The following MAP3K3 variants were observed in gnomAD, a reference collection of about 807,000 sequenced individuals.
MAP3K3 encodes the protein MAP/ERK kinase kinase 3.
A neutral mutation model predicts 80.9 loss-of-function variants in MAP3K3; 12 were observed. The ratio of observed to expected loss-of-function variants is 0.15; its 90% CI spans 0.10 to 0.24. The LOEUF is 0.24. Among genes scored for constraint, MAP3K3 ranks in the 10% least tolerant of loss-of-function variants. The probability of loss-of-function intolerance (pLI) is 1.00; values close to 1 mark genes in which losing one functional copy is unlikely to be tolerated. For synonymous variants in MAP3K3, 272 were observed against 307.1 expected (o/e 0.89, Z 1.19); for missense variants, 596 against 834.7 (o/e 0.71, Z 3.52).
chr17:63,685,252 C>T (rs969002141), intron 7 of MAP3K3, among the ~76,000 whole-genome samples: 15 of 152,234 alleles, frequency 9.9e-5, no homozygotes, highest in African/African-American at 3.6e-4. Context: ...AACATGCCAA[C>T]AAGAAAAGCA....
At position 63,667,346 on chromosome 17, in the gene MAP3K3, C is replaced by A. The variant is rs115609820; in HGVS notation, c.502+286C>A. Among the ~76,000 whole-genome samples the A allele has an allele frequency of 8.4e-3, 1,279 of 152,282 alleles. 21 individuals carry two copies. The highest frequency in any genetic ancestry group is 0.029 in the African/African-American group (1,204 of 41,552). On this transcript the variant is annotated intron_variant, in intron 6 of 15. Coordinates refer to ENST00000361733, the MANE Select transcript of MAP3K3 (RefSeq NM_002401.5). ...GCCTCAGACATCTGCTTGAAGACTT[C>A]CAGCTGTGTTTACACTCACTTTTGA...
chr17:63,634,677 A>G (rs375125085), intron 2 of MAP3K3: 93 of 1,572,040 alleles, frequency 5.9e-5, no homozygotes, highest in Non-Finnish European at 6.1e-5. Context: ...GAAGGATACA[A>G]ATTATTAACC....
intron 6 of MAP3K3, among the ~76,000 whole-genome samples, chr17:63,667,264 AT>A (rs895701654): frequency 6.6e-6 from 1 of 152,238 alleles, no homozygotes; most frequent in African/African-American, 2.4e-5. Flanking sequence ...GGAACTTAAA[AT>A]ATAATGATAT....
intron 2 of MAP3K3, among the ~76,000 whole-genome samples, chr17:63,642,845 C>A (rs2034470233): frequency 6.6e-6 from 1 of 151,816 alleles, no homozygotes; most frequent in East Asian, 1.9e-4. Context: ...CAACCTCAAG[C>A]CCCCCGGGCT....
chr17:63,654,056 G>A (rs1790745734), intron 4 of MAP3K3, among the ~76,000 whole-genome samples: 1 of 151,882 alleles, frequency 6.6e-6, no homozygotes, highest in Non-Finnish European at 1.5e-5. Context: ...TTTTATGGAG[G>A]CAGGGTTTCA....
intron 2 of MAP3K3, among the ~76,000 whole-genome samples, chr17:63,643,495 G>A (rs1215706920): frequency 2.0e-5 from 3 of 151,978 alleles, no homozygotes; most frequent in Non-Finnish European, 4.4e-5. Flanking sequence ...TGGGTGGCAG[G>A]AGTAAGACCC....
intron 4 of MAP3K3, among the ~76,000 whole-genome samples, chr17:63,654,861 C>T (rs962165070): frequency 2.6e-5 from 4 of 152,134 alleles, no homozygotes; most frequent in African/African-American, 9.6e-5. Context: ...CATGGTGAAA[C>T]GCCGTCTCTG....
chr17:63,652,499 T>C, intron 3 of MAP3K3, 58 bp from the exon 4 acceptor site: 1 of 1,147,926 alleles, frequency 8.7e-7, no homozygotes, highest in Non-Finnish European at 1.3e-6. Context: ...ACCATTGCTT[T>C]TTAAACCCTA....
In MAP3K3 at chr17:63,691,058, A is replaced by G; in HGVS notation, c.1213-44A>G. On this transcript the variant is annotated intron_variant, in intron 12 of 15. Coordinates refer to ENST00000361733, the MANE Select transcript of MAP3K3 (RefSeq NM_002401.5). The surrounding 1 kb of genome is among the most constrained non-coding windows in gnomAD (Gnocchi z 4.8). ...GCTGAGCTGAACCCAGGCGGGCAGA[A>G]CTAGGGCCCTGAGAGCTGAGGCGAC... is the stretch of plus-strand genomic sequence containing the variant. 6.2e-7 allele frequency: 1 copy of G among 1,611,150 alleles called. No homozygotes were observed. The highest frequency in any genetic ancestry group is 8.5e-7 in the Non-Finnish European group (1 of 1,178,678).
chr17:63,639,056 C>T (rs1490118985), intron 2 of MAP3K3, among the ~76,000 whole-genome samples: 1 of 152,020 alleles, frequency 6.6e-6, no homozygotes, highest in African/African-American at 2.4e-5. Context: ...TGTCATATTC[C>T]CTGTACCCCA....
chr17:63,639,103 T>C (rs2034391988), intron 2 of MAP3K3, among the ~76,000 whole-genome samples: 1 of 151,972 alleles, frequency 6.6e-6, no homozygotes, highest in African/African-American at 2.4e-5. Flanking sequence ...GAGGACTACA[T>C]GAAAAAAAGA....
chr17:63,659,466 C>T (rs1438064115), intron 5 of MAP3K3, among the ~76,000 whole-genome samples: 1 of 151,312 alleles, frequency 6.6e-6, no homozygotes, highest in Non-Finnish European at 1.5e-5. Context: ...AACAGTGTTC[C>T]TCTAACTATA....
chr17:63,673,914 TA>T (rs2035162407), intron 6 of MAP3K3, among the ~76,000 whole-genome samples: 1 of 151,752 alleles, frequency 6.6e-6, no homozygotes, highest in Non-Finnish European at 1.5e-5. Context: ...CTCAAAAAAA[TA>T]AAAAATAAAT....
intron 1 of MAP3K3, among the ~76,000 whole-genome samples, chr17:63,631,445 C>A (rs148246105): frequency 1.3e-5 from 2 of 152,284 alleles, no homozygotes; most frequent in African/African-American, 4.8e-5. Flanking sequence ...TGGGTGGAAT[C>A]TTTTGTATTT....
At chr17:63,631,186 C>T (rs1442169800) in intron 1 of MAP3K3, among the ~76,000 whole-genome samples, 4 of 152,126 alleles carry the variant, frequency 2.6e-5, no homozygotes, top group African/African-American at 9.7e-5. Context: ...ACTCTGGAGG[C>T]TGAGGTGGAG....
At chr17:63,656,706 A>C (rs1237039877) in intron 4 of MAP3K3, among the ~76,000 whole-genome samples, 1 of 152,154 alleles carries the variant, frequency 6.6e-6, no homozygotes, top group East Asian at 1.9e-4. Context: ...TATTCATAAC[A>C]TGCTCTGCTT....
chr17:63,684,979 A>G (rs576245586), intron 7 of MAP3K3, among the ~76,000 whole-genome samples: 1 of 152,196 alleles, frequency 6.6e-6, no homozygotes, highest in Non-Finnish European at 1.5e-5. Flanking sequence ...ATATTTAGAT[A>G]TCTATTACCT....
rs768202063 is a variant in MAP3K3 at position 63,694,969 on chromosome 17, G to A, written c.*1192G>A. 5 of 152,974 alleles carry A rather than the reference G, an allele frequency of 3.3e-5. No individual in the cohort carries two copies. The highest frequency in any genetic ancestry group is 7.3e-5 in the Non-Finnish European group (5 of 68,358). 9.5% of individuals were successfully genotyped at this position (152,974 alleles called of 1,614,324 possible). Reference sequence around the variant, plus strand: ...CAGCATCTCCAAGCAGCTTAGAGTTGGCCATATTTACCTCAGCCTGGGCGC... The same window carrying A: ...CAGCATCTCCAAGCAGCTTAGAGTTAGCCATATTTACCTCAGCCTGGGCGC... On this transcript the variant is annotated 3_prime_UTR_variant, in exon 16 of 16. Transcript: ENST00000361733.
At chr17:63,657,725 C>T (rs2034800363) in intron 4 of MAP3K3, 69 bp from the exon 5 acceptor site, 2 of 656,536 alleles carry the variant, frequency 3.0e-6, no homozygotes, top group Non-Finnish European at 5.3e-6. Flanking sequence ...TATTTTATTT[C>T]TGCAAAGTGA....
Sources: gnomAD v4.1 joint callset for allele counts (sites outside exome capture counted in the v4.1 genomes callset) on GRCh38, gnomAD v4.1.1 for gene constraint, Gnocchi (gnomAD v3.1) non-coding constraint, MANE v1.5 for transcripts, NCBI Gene and HGNC (gene_info 2026-07-23, HGNC 2026-07-21) for gene names.